The following PSTPIP2 variants were observed in gnomAD, a reference collection of about 807,000 sequenced individuals.
PSTPIP2 encodes the protein proline-serine-threonine phosphatase interacting protein 2.
Under a neutral mutation model 63.3 loss-of-function variants are expected in PSTPIP2, and 33 were observed. The observed-to-expected ratio is 0.52, with a 90% CI of 0.40 to 0.70. PSTPIP2 has a LOEUF of 0.70. PSTPIP2 is among the 30% of genes least tolerant of loss of function. The pLI, the probability that PSTPIP2 is intolerant of heterozygous loss-of-function variation, is 0.00. For missense variants in PSTPIP2, 312 were observed against 400.7 expected (o/e 0.78, Z 1.89); for synonymous variants, 125 against 132.7 (o/e 0.94, Z 0.40).
intron 1 of PSTPIP2, among the ~76,000 whole-genome samples, chr18:46,060,312 TA>T (rs1161215586): frequency 1.3e-5 from 2 of 152,204 alleles, no homozygotes; most frequent in African/African-American, 4.8e-5. Flanking sequence ...TCTAAATTTT[TA>T]AAAATTAATT....
chr18:46,016,513 G>A (rs765485501), intron 3 of PSTPIP2, among the ~76,000 whole-genome samples: 18 of 152,174 alleles, frequency 1.2e-4, no homozygotes, highest in Admixed American at 2.0e-4. Context: ...CCATGGGCCA[G>A]GCATTGTGTC....
chr18:45,985,327 C>G lies in PSTPIP2; in HGVS notation c.*132G>C. ...AATGTCTACCATAAATTTTAAATCT[C>G]TAAAAAATTATAGCAAGGGTTCACT... On this transcript the variant is annotated 3_prime_UTR_variant, in exon 15 of 15. Coordinates refer to ENST00000409746, the MANE Select transcript of PSTPIP2 (RefSeq NM_024430.4). 7.6e-7 allele frequency: 1 copy of G among 1,322,100 alleles called. No individual in the cohort carries two copies. The highest frequency in any genetic ancestry group is 1.5e-5 in the African/African-American group (1 of 64,900). 81.9% of individuals were successfully genotyped at this position (1,322,100 alleles called of 1,614,324 possible).
rs1568205926 is a variant in PSTPIP2, at chr18:45,985,202, T to A, written c.*257A>T. On this transcript the variant is annotated 3_prime_UTR_variant, in exon 15 of 15. Coordinates refer to ENST00000409746, the MANE Select transcript of PSTPIP2 (RefSeq NM_024430.4). ...ATGCTTCCCATGTTGAAAACCTAATTCATTCATAACCTGAGTAACTGGGAA... is the reference window on the plus strand; with the variant it reads ...ATGCTTCCCATGTTGAAAACCTAATACATTCATAACCTGAGTAACTGGGAA... The A allele has an allele frequency of 2.0e-6, 1 of 499,750 alleles. No homozygotes were observed. Among genetic ancestry groups the A allele is most frequent in the Non-Finnish European group, 3.5e-6 (1 of 287,254 alleles). The allele number at this position is 499,750 out of a possible 1,614,324, so 31.0% of individuals were successfully genotyped here.
intron 1 of PSTPIP2, among the ~76,000 whole-genome samples, chr18:46,067,458 G>A (rs978864208): frequency 1.4e-5 from 2 of 143,860 alleles, no homozygotes; most frequent in South Asian, 2.2e-4. Context: ...ACCCGAGATC[G>A]CACCACTGGA....
At chr18:46,005,114 A>T (rs112507245) in intron 6 of PSTPIP2, among the ~76,000 whole-genome samples, 5,283 of 152,274 alleles carry the variant, frequency 0.035, 116 homozygotes, top group Non-Finnish European at 0.041. Flanking sequence ...CAGGAACAGA[A>T]AACCAAATAC....
rs141113019 is a variant in PSTPIP2, at chr18:45,990,662, T to G, written c.955+60A>C. 2.3e-5 allele frequency: 33 copies of G among 1,447,268 alleles called. 1 individual carries two copies. In the East Asian group the frequency reaches 7.5e-4, roughly 33 times the overall value. 89.7% of individuals were successfully genotyped at this position (1,447,268 alleles called of 1,614,324 possible). On this transcript the variant is annotated intron_variant, in intron 13 of 14. Coordinates refer to ENST00000409746, the MANE Select transcript of PSTPIP2 (RefSeq NM_024430.4). Reference sequence around the variant, plus strand: ...CCAGGCTGGTCTCAAACTCCTGACCTCAAGTGATCTGCCTGCCTTGCAATA... The same window carrying G: ...CCAGGCTGGTCTCAAACTCCTGACCGCAAGTGATCTGCCTGCCTTGCAATA...
intron 1 of PSTPIP2, among the ~76,000 whole-genome samples, chr18:46,070,850 T>C (rs1599757493): frequency 6.6e-6 from 1 of 152,116 alleles, no homozygotes; most frequent in African/African-American, 2.4e-5. Context: ...TCTGCCTCCT[T>C]CTCCTTATGT....
In PSTPIP2 at chr18:46,024,589, G is replaced by C; in HGVS notation, c.212+20C>G. On this transcript the variant is annotated intron_variant, in intron 3 of 14. Coordinates refer to ENST00000409746, the MANE Select transcript of PSTPIP2 (RefSeq NM_024430.4). ...GCATTATTAACCAACCTGGAAACCA[G>C]AAAAAAACTTGATACATACTTGATT... The C allele has an allele frequency of 6.2e-7, 1 of 1,607,388 alleles. No homozygotes were observed. Among genetic ancestry groups the C allele is most frequent in the East Asian group, 2.2e-5 (1 of 44,824 alleles).
chr18:46,013,392 A>G (rs917986309), intron 4 of PSTPIP2, among the ~76,000 whole-genome samples: 2 of 152,220 alleles, frequency 1.3e-5, no homozygotes, highest in African/African-American at 4.8e-5. Flanking sequence ...AGCATTAAAC[A>G]TACTATGCTG....
intron 1 of PSTPIP2, among the ~76,000 whole-genome samples, chr18:46,069,102 G>C (rs942102879): frequency 6.6e-6 from 1 of 152,148 alleles, no homozygotes; most frequent in South Asian, 2.1e-4. Flanking sequence ...ATCTACAGGA[G>C]GTTCAGGGAC....
intron 2 of PSTPIP2, among the ~76,000 whole-genome samples, chr18:46,031,527 T>C (rs1907786944): frequency 6.6e-6 from 1 of 152,192 alleles, no homozygotes; most frequent in Non-Finnish European, 1.5e-5. Context: ...AAAAGATGCA[T>C]CTTAACTCCC....
At chr18:46,025,919 T>A (rs2144097563) in intron 2 of PSTPIP2, among the ~76,000 whole-genome samples, 1 of 152,258 alleles carries the variant, frequency 6.6e-6, no homozygotes, top group South Asian at 2.1e-4. Context: ...CATGCCGAGC[T>A]AATTTTTGTA....
At chr18:46,041,159 G>T in intron 1 of PSTPIP2, 1 of 431,406 alleles carries the variant, frequency 2.3e-6, no homozygotes, top group Non-Finnish European at 4.6e-6. Flanking sequence ...TGGGAGAATG[G>T]GGCTGTCTGT....
At chr18:46,024,066 A>C (rs1467628046) in intron 3 of PSTPIP2, among the ~76,000 whole-genome samples, 1 of 151,978 alleles carries the variant, frequency 6.6e-6, no homozygotes, top group African/African-American at 2.4e-5. Context: ...AAAAAATTAT[A>C]ATTTTTTTCA....
chr18:46,011,152 A>G (rs1345980298), intron 5 of PSTPIP2, 29 bp downstream of exon 5: 3 of 1,566,380 alleles, frequency 1.9e-6, no homozygotes, highest in Non-Finnish European at 2.6e-6. Flanking sequence ...GGAGGAAAGG[A>G]AACACCTTAA....
At chr18:45,993,062 T>A (rs2051555484) in intron 10 of PSTPIP2, among the ~76,000 whole-genome samples, 1 of 152,002 alleles carries the variant, frequency 6.6e-6, no homozygotes, top group Non-Finnish European at 1.5e-5. Context: ...TGACAGAAAA[T>A]GTATCTTTGT....
chr18:46,058,135 T>TA (rs763625953), intron 1 of PSTPIP2, among the ~76,000 whole-genome samples: 17 of 152,038 alleles, frequency 1.1e-4, no homozygotes, highest in Admixed American at 6.6e-5. Flanking sequence ...AGCATGATAA[T>TA]AAGTACACTT....
intron 2 of PSTPIP2, chr18:46,029,287 T>C (rs1907704924): frequency 6.9e-7 from 1 of 1,438,992 alleles, no homozygotes; most frequent in African/African-American, 1.4e-5. Context: ...ATAAATGGCA[T>C]TGCTGGGTAT....
rs2051616462 is a variant in PSTPIP2 at position 45,997,761 on chromosome 18, G to A, written c.630C>T (p.Ile210=). The A allele has an allele frequency of 3.3e-6, 5 of 1,530,062 alleles. No individual in the cohort carries two copies. The highest frequency in any genetic ancestry group is 4.4e-6 in the Non-Finnish European group (5 of 1,137,340). 94.8% of individuals were successfully genotyped at this position (1,530,062 alleles called of 1,614,324 possible). Residue 210 remains isoleucine (I), a synonymous_variant, in exon 9 of 15, where the codon ATC becomes ATT. Transcript: ENST00000409746. The stretch of plus-strand genomic sequence containing the variant: ...CGGTTACGGGTACCTCGCAGGCCTT[G>A]ATGTGCTCACTCTGCCACTCTTCTC... ...KVREEWQSEH[I]KACEAFEAQE...
Sources: allele counts gnomAD v4.1 joint callset (sites outside exome capture counted in the v4.1 genomes callset), GRCh38; gene constraint gnomAD v4.1.1; transcripts MANE v1.5; gene names NCBI Gene and HGNC (gene_info 2026-07-23, HGNC 2026-07-21).